The following COL21A1 variants were observed in gnomAD, a reference collection of about 807,000 sequenced individuals.
The protein encoded by COL21A1 is collagen alpha-1(XXI) chain.
A neutral mutation model predicts 137.9 loss-of-function variants in COL21A1; 149 were observed. The ratio of observed to expected loss-of-function variants is 1.08; its 90% CI spans 0.95 to 1.24. The LOEUF (loss-of-function observed/expected upper bound fraction) is 1.24. Ranked by LOEUF, COL21A1 falls within the 50% of genes most tolerant of loss-of-function variation. The probability of loss-of-function intolerance (pLI) is 0.00; values close to 1 mark genes in which losing one functional copy is unlikely to be tolerated. For synonymous variants in COL21A1, 456 were observed against 391.5 expected, an observed-to-expected ratio of 1.16 and a Z score of -1.95; for missense variants, 1,167 against 1,158.4, an observed-to-expected ratio of 1.01 and a Z score of -0.11.
intron 1 of COL21A1, among the ~76,000 whole-genome samples, chr6:56,226,747 C>T (rs1408463716): frequency 6.6e-6 from 1 of 151,972 alleles, no homozygotes; most frequent in Non-Finnish European, 1.5e-5. Context: ...TATGAAAATC[C>T]AATGTTCCTC....
intron 1 of COL21A1, among the ~76,000 whole-genome samples, chr6:56,213,125 C>T (rs1249782893): frequency 6.6e-6 from 1 of 151,918 alleles, no homozygotes; most frequent in Non-Finnish European, 1.5e-5. Flanking sequence ...TGCACGTATT[C>T]CTTTGGTTGT....
chr6:56,325,712 A>ATAATATTATATATAATATATAATATG lies in COL21A1; in HGVS notation c.-39+68258_-39+68259insCATATTATATATTATATATAATATTA, dbSNP rs1428361596. 1.3e-3 allele frequency among the ~76,000 whole-genome samples: 53 copies of ATAATATTATATATAATATATAATATG among 41,616 alleles called. 22 individuals carry two copies. Among genetic ancestry groups the ATAATATTATATATAATATATAATATG allele is most frequent in the African/African-American group, 5.0e-3 (53 of 10,534 alleles). The allele number at this position is 41,616 out of a possible 152,430, so 27.3% of individuals were successfully genotyped here. A position where few individuals can be genotyped will look rare whatever the true frequency, so the allele number is the denominator to read the frequency against. ...TATAAATATATATAATATATAATAT[A>ATAATATTATATATAATATATAATATG]TGTAACATTATATATACATATTATA... On this transcript the variant is annotated intron_variant, in intron 1 of 28. Transcript: ENST00000370819.
chr6:56,374,720 C>CA (rs34067784), intron 1 of COL21A1, among the ~76,000 whole-genome samples: 2,239 of 86,084 alleles, frequency 0.026, 42 homozygotes, highest in East Asian at 0.078. Context: ...GACTTCGTCT[C>CA]AAAAAAAAAA....
At chr6:56,061,207 A>C (rs548436882) in intron 25 of COL21A1, 170 bp from the exon 26 acceptor site, 1 of 609,624 alleles carries the variant, frequency 1.6e-6, no homozygotes, top group South Asian at 2.5e-5. Flanking sequence ...ATTTCATGTC[A>C]TATTAAACTG....
intron 1 of COL21A1, among the ~76,000 whole-genome samples, chr6:56,207,331 C>T (rs374267857): frequency 2.0e-5 from 3 of 152,020 alleles, no homozygotes; most frequent in African/African-American, 4.8e-5. Context: ...CACATAGATT[C>T]GATAAAATAT....
intron 1 of COL21A1, among the ~76,000 whole-genome samples, chr6:56,328,511 T>C (rs555780737): frequency 6.6e-6 from 1 of 152,112 alleles, no homozygotes; most frequent in Non-Finnish European, 1.5e-5. Context: ...TATATCTGTC[T>C]TCTATTATAC....
rs1562188026 is a variant in COL21A1, at chr6:56,097,844, T to TAAATATATAA, written c.1812+3627_1812+3628insTTATATATTT. Reference sequence around the variant, plus strand: ...ATACATATAAATATATATAAATATATAAATATATATAAATATATAAAAATA... The same window carrying TAAATATATAA: ...ATACATATAAATATATATAAATATATAAATATATAAAAATATATATAAATATATAAAAATA... On this transcript the variant is annotated intron_variant, in intron 17 of 29. Transcript: ENST00000244728. Among the ~76,000 whole-genome samples, 5 of 34,018 alleles carry TAAATATATAA rather than the reference T, an allele frequency of 1.5e-4. 1 individual carries two copies. The highest frequency in any genetic ancestry group is 5.9e-4 in the African/African-American group (5 of 8,442). The allele number at this position is 34,018 out of a possible 152,430, so 22.3% of individuals were successfully genotyped here. A position where few individuals can be genotyped will look rare whatever the true frequency, so the allele number is the denominator to read the frequency against.
At chr6:56,214,404 A>C (rs2152308294) in intron 1 of COL21A1, among the ~76,000 whole-genome samples, 1 of 152,212 alleles carries the variant, frequency 6.6e-6, no homozygotes, top group South Asian at 2.1e-4. Flanking sequence ...AAATTCCTTT[A>C]ATCATTACCA....
chr6:56,293,773 G>A (rs913738431), intron 1 of COL21A1, among the ~76,000 whole-genome samples: 3 of 152,078 alleles, frequency 2.0e-5, no homozygotes, highest in Admixed American at 2.0e-4. Flanking sequence ...AGCTGATAAT[G>A]ATTTGGATTT....
chr6:56,246,623 A>G (rs918802514), intron 1 of COL21A1, among the ~76,000 whole-genome samples: 14 of 152,306 alleles, frequency 9.2e-5, no homozygotes, highest in African/African-American at 3.4e-4. Flanking sequence ...AACTTGAGCA[A>G]GCACTAGCAT....
chr6:56,325,996 ACATACATATATTATG>A (rs1562058001), intron 1 of COL21A1, among the ~76,000 whole-genome samples: 18 of 1,312 alleles, frequency 0.014, no homozygotes, highest in African/African-American at 0.028. Context: ...ATATGTATAT[ACATACATATATTATG>A]TATATGTATA....
chr6:56,212,342 GC>G (rs1472030068), intron 1 of COL21A1, among the ~76,000 whole-genome samples: 2 of 151,792 alleles, frequency 1.3e-5, no homozygotes, highest in African/African-American at 4.8e-5. Flanking sequence ...CGGGAACACA[GC>G]CCCCCACCAA....
At chr6:56,216,095 G>A (rs1478732198) in intron 1 of COL21A1, among the ~76,000 whole-genome samples, 3 of 152,038 alleles carry the variant, frequency 2.0e-5, no homozygotes, top group African/African-American at 4.8e-5. Context: ...TCACAATGGT[G>A]ATAGATTTAT....
At chr6:56,354,289 T>A (rs1367663314) in intron 1 of COL21A1, among the ~76,000 whole-genome samples, 2 of 152,230 alleles carry the variant, frequency 1.3e-5, no homozygotes, top group African/African-American at 4.8e-5. Flanking sequence ...ATAGTTGTTA[T>A]ACAGGTGTGG....
intron 22 of COL21A1, among the ~76,000 whole-genome samples, chr6:56,067,887 T>C (rs1374686728): frequency 6.6e-6 from 1 of 151,698 alleles, no homozygotes; most frequent in Admixed American, 6.6e-5. Flanking sequence ...CTTGTTTTTA[T>C]AGATAATGAA....
chr6:56,224,833 A>G (rs1189015323), intron 1 of COL21A1, among the ~76,000 whole-genome samples: 1 of 152,078 alleles, frequency 6.6e-6, no homozygotes, highest in Non-Finnish European at 1.5e-5. Flanking sequence ...AAACTCCATT[A>G]TTTAACAAAA....
chr6:56,330,031 A>G (rs1244380047), intron 1 of COL21A1, among the ~76,000 whole-genome samples: 3 of 152,136 alleles, frequency 2.0e-5, no homozygotes, highest in Non-Finnish European at 2.9e-5. Flanking sequence ...TTTTCTATTC[A>G]ATATAACCTC....
chr6:56,169,017 C>T (rs1025677337), intron 5 of COL21A1, among the ~76,000 whole-genome samples: 24 of 151,988 alleles, frequency 1.6e-4, no homozygotes, highest in African/African-American at 5.8e-4. Context: ...CCAGAGTTTT[C>T]TTCTTGACCC....
At chr6:56,142,043 C>T in intron 10 of COL21A1, 60 bp from the exon 11 acceptor site, 2 of 1,286,798 alleles carry the variant, frequency 1.6e-6, no homozygotes, top group Admixed American at 2.4e-5. Context: ...AAGAGAAGTT[C>T]TTCGTTTCAG....
Sources: allele counts gnomAD v4.1 joint callset (sites outside exome capture counted in the v4.1 genomes callset), GRCh38; gene constraint gnomAD v4.1.1; transcripts MANE v1.5; gene names NCBI Gene and HGNC (gene_info 2026-07-23, HGNC 2026-07-21).